PLPPR1: variants seen among roughly 807,000 people sequenced by gnomAD.
PLPPR1 encodes phospholipid phosphatase related 1, also known as phospholipid phosphatase-related protein type 1.
A neutral mutation model predicts 33.1 loss-of-function variants in PLPPR1; 10 were observed. The ratio of observed to expected loss-of-function variants is 0.30; its 90% CI spans 0.19 to 0.51. The LOEUF (loss-of-function observed/expected upper bound fraction) is 0.51. PLPPR1 is among the 20% of genes least tolerant of loss of function. The pLI is 0.97. For synonymous variants in PLPPR1, 151 were observed against 151.0 expected, an observed-to-expected ratio of 1.00 and a Z score of 0.00; for missense variants, 304 against 408.1, an observed-to-expected ratio of 0.74 and a Z score of 2.20.
intron 2 of PLPPR1, among the ~76,000 whole-genome samples, chr9:101,216,002 A>G (rs1192944362): frequency 6.6e-6 from 1 of 152,122 alleles, no homozygotes; most frequent in African/African-American, 2.4e-5. Flanking sequence ...TTTGATATAT[A>G]TCAGCAGTGG....
At chr9:101,294,180 G>T (rs1194275290) in intron 4 of PLPPR1, among the ~76,000 whole-genome samples, 1 of 151,954 alleles carries the variant, frequency 6.6e-6, no homozygotes, top group East Asian at 1.9e-4. Context: ...ACACCTCTAT[G>T]CAAATAAACT....
At chr9:101,033,822 A>T (rs1254898560) in intron 1 of PLPPR1, among the ~76,000 whole-genome samples, 1 of 152,214 alleles carries the variant, frequency 6.6e-6, no homozygotes, top group Non-Finnish European at 1.5e-5. Flanking sequence ...GTTACAAAGT[A>T]TCAGAGTCAG....
intron 1 of PLPPR1, among the ~76,000 whole-genome samples, chr9:101,081,087 T>C (rs186490178): frequency 6.6e-6 from 1 of 152,304 alleles, no homozygotes; most frequent in Admixed American, 6.5e-5. Context: ...TTCCATTCTC[T>C]AGCCCCCAAC....
chr9:101,221,805 G>A (rs1039930702), intron 2 of PLPPR1, among the ~76,000 whole-genome samples: 5 of 152,088 alleles, frequency 3.3e-5, no homozygotes, highest in African/African-American at 1.2e-4. Context: ...TATTTACAGA[G>A]AATATACATT....
chr9:101,118,993 C>G (rs534733601), intron 1 of PLPPR1, among the ~76,000 whole-genome samples: 2 of 152,044 alleles, frequency 1.3e-5, no homozygotes, highest in African/African-American at 4.8e-5. Context: ...TCTAGAAGCT[C>G]CTGAAGGACT....
At chr9:101,199,549 T>C (rs1184756202) in intron 2 of PLPPR1, among the ~76,000 whole-genome samples, 1 of 152,244 alleles carries the variant, frequency 6.6e-6, no homozygotes, top group Non-Finnish European at 1.5e-5. Context: ...TGATGCATGA[T>C]CTGTTGGATA....
intron 1 of PLPPR1, among the ~76,000 whole-genome samples, chr9:101,149,173 C>A (rs193100818): frequency 4.8e-4 from 73 of 152,236 alleles, no homozygotes; most frequent in Admixed American, 2.3e-3. Context: ...TGGGAAAACA[C>A]TGTTATCAGA....
intron 2 of PLPPR1, among the ~76,000 whole-genome samples, chr9:101,264,389 C>T (rs1196656045): frequency 3.3e-5 from 5 of 152,112 alleles, no homozygotes; most frequent in Admixed American, 2.6e-4. Context: ...CCTCTCCTTC[C>T]CCATGCATCC....
At chr9:101,296,654 G>C (rs1362723122) in intron 4 of PLPPR1, among the ~76,000 whole-genome samples, 4 of 152,158 alleles carry the variant, frequency 2.6e-5, no homozygotes, top group South Asian at 2.1e-4. Flanking sequence ...TAGGGACATG[G>C]ATGAAATTGG....
At chr9:101,314,355 T>A (rs760914134) in intron 6 of PLPPR1, among the ~76,000 whole-genome samples, 1 of 152,182 alleles carries the variant, frequency 6.6e-6, no homozygotes, top group Non-Finnish European at 1.5e-5. Flanking sequence ...AGCCTCTAAC[T>A]TGGTTTTCCA....
intron 1 of PLPPR1, among the ~76,000 whole-genome samples, chr9:101,078,455 T>G (rs888036446): frequency 1.3e-5 from 2 of 152,024 alleles, no homozygotes; most frequent in South Asian, 2.1e-4. Flanking sequence ...AGATTTTCAG[T>G]TTTTTGGGAA....
intron 1 of PLPPR1, among the ~76,000 whole-genome samples, chr9:101,038,754 A>G (rs974214564): frequency 3.3e-5 from 5 of 152,158 alleles, no homozygotes; most frequent in African/African-American, 9.7e-5. Flanking sequence ...TTCATGCCTT[A>G]TGTAACTGCT....
At chr9:101,200,136 G>C (rs1012879562) in intron 2 of PLPPR1, among the ~76,000 whole-genome samples, 4 of 152,150 alleles carry the variant, frequency 2.6e-5, no homozygotes, top group Non-Finnish European at 4.4e-5. Context: ...CGGGGCATTG[G>C]CAGGCTCAGG....
intron 1 of PLPPR1, among the ~76,000 whole-genome samples, chr9:101,084,788 T>C (rs1441631116): frequency 2.0e-5 from 3 of 152,194 alleles, no homozygotes; most frequent in Non-Finnish European, 1.5e-5. Flanking sequence ...TACCTTGGGC[T>C]ACAAACCCAA....
chr9:101,067,943 T>G (rs140092780), intron 1 of PLPPR1, among the ~76,000 whole-genome samples: 1 of 152,086 alleles, frequency 6.6e-6, no homozygotes, highest in Non-Finnish European at 1.5e-5. Context: ...ACCTTCTTCA[T>G]AGGGCTGTTG....
At chr9:101,106,295 C>T (rs1203791458) in intron 1 of PLPPR1, among the ~76,000 whole-genome samples, 2 of 133,436 alleles carry the variant, frequency 1.5e-5, no homozygotes, top group South Asian at 2.9e-4. Flanking sequence ...ACCGGTTGTT[C>T]CTTTCCATGT....
intron 2 of PLPPR1, among the ~76,000 whole-genome samples, chr9:101,214,191 T>G (rs1464874337): frequency 6.6e-6 from 1 of 152,224 alleles, no homozygotes; most frequent in Non-Finnish European, 1.5e-5. Flanking sequence ...TTTGTTCAAG[T>G]CCATTCAAGA....
intron 1 of PLPPR1, among the ~76,000 whole-genome samples, chr9:101,077,007 A>G (rs147027780): frequency 1.3e-3 from 199 of 152,074 alleles, no homozygotes; most frequent in Non-Finnish European, 2.3e-3. Context: ...GACCTGTGCC[A>G]CCTCCCATTA....
At chr9:101,322,657 G>T (rs920532925) in intron 7 of PLPPR1, 2 of 152,268 alleles carry the variant, frequency 1.3e-5, no homozygotes, top group Admixed American at 1.3e-4. Context: ...TTGATTACAT[G>T]TATAAAAGCT....
Sources: allele counts gnomAD v4.1 joint callset (sites outside exome capture counted in the v4.1 genomes callset), GRCh38; gene constraint gnomAD v4.1.1; transcripts MANE v1.5; gene names NCBI Gene and HGNC (gene_info 2026-07-23, HGNC 2026-07-21).